SHOC1: variants seen among roughly 807,000 people sequenced by gnomAD.
SHOC1 encodes the protein protein shortage in chiasmata 1 ortholog.
SHOC1 carries 136 observed loss-of-function variants against 179.2 expected under a neutral mutation model. The ratio of observed to expected loss-of-function variants is 0.76; its 90% CI spans 0.66 to 0.87. The LOEUF (loss-of-function observed/expected upper bound fraction) is 0.87, where lower values mean the gene tolerates loss of function less well. Among genes scored for constraint, SHOC1 ranks in the 40% least tolerant of loss-of-function variants. SHOC1 has a pLI of 0.00. For synonymous variants in SHOC1, 489 were observed against 586.6 expected (o/e 0.83, Z 2.41); for missense variants, 1,538 against 1,700.8 (o/e 0.90, Z 1.68).
intron 24 of SHOC1, among the ~76,000 whole-genome samples, chr9:111,694,937 T>C (rs184880498): frequency 6.6e-6 from 1 of 152,092 alleles, no homozygotes; most frequent in Non-Finnish European, 1.5e-5. Flanking sequence ...CTGCCAAAAA[T>C]GTGGTGTTTG....
chr9:111,720,997 C>T (rs1030552259), intron 15 of SHOC1, among the ~76,000 whole-genome samples: 2 of 152,046 alleles, frequency 1.3e-5, no homozygotes, highest in African/African-American at 2.4e-5. Context: ...TGACTGTTAC[C>T]TTGTTGGGTA....
intron 4 of SHOC1, among the ~76,000 whole-genome samples, chr9:111,777,768 CCCTTGTACAGACTGAAAGAAA>C (rs1835888546): frequency 6.6e-6 from 1 of 152,054 alleles, no homozygotes; most frequent in Admixed American, 6.6e-5. Context: ...CCTAATAATA[CCCTTGTACAGACTGAAAGAAA>C]CAAAATCAAT....
At position 111,699,971 on chromosome 9, in the gene SHOC1, C is replaced by T. The variant is rs1831886494; in HGVS notation, c.3166G>A (p.Glu1056Lys). ...AAGAATACCTTTACATCCAGTTCTTCAGAGTTTAGCCCAAATGAAACCAAA... is the reference window on the plus strand; with the variant it reads ...AAGAATACCTTTACATCCAGTTCTTTAGAGTTTAGCCCAAATGAAACCAAA... The part of the protein sequence containing the change: ...AALVSFGLNS[E>K]ELDVKLIIAP... The change falls in exon 24 of 28, where the codon GAA becomes AAA. Residue 1056 changes from glutamate to lysine, a missense_variant. Physicochemically the swap from Glu to Lys is moderately conservative, Grantham distance 56. Coordinates refer to ENST00000682961, the MANE Select transcript of SHOC1 (RefSeq NM_001378211.1). The T allele has an allele frequency of 2.5e-6, 4 of 1,606,234 alleles. No homozygotes were observed. The highest frequency in any genetic ancestry group is 2.6e-6 in the Non-Finnish European group (3 of 1,175,634).
At position 111,693,834 on chromosome 9, in the gene SHOC1, C is replaced by T; in HGVS notation, c.3430G>A (p.Glu1144Lys). 6.2e-7 allele frequency: 1 copy of T among 1,611,044 alleles called. No homozygotes were observed. The highest frequency in any genetic ancestry group is 8.5e-7 in the Non-Finnish European group (1 of 1,178,290). ...TTTTCTGGGACTTCAGGTAGGAGTT[C>T]CTGAAGTTGACACAGAGTTGCTAAT... Reference protein sequence around the residue: ...ILLATLCQLQELLPEVPEKVL... With the variant: ...ILLATLCQLQKLLPEVPEKVL... Residue 1144 changes from glutamate to lysine, a missense_variant, in exon 26 of 28, where the codon GAA (glutamate) becomes AAA (lysine). Glu to Lys is a moderately conservative substitution (Grantham distance 56). Coordinates refer to ENST00000682961, the MANE Select transcript of SHOC1 (RefSeq NM_001378211.1).
At chr9:111,790,220 T>C (rs1026547786) in intron 2 of SHOC1, among the ~76,000 whole-genome samples, 3 of 152,198 alleles carry the variant, frequency 2.0e-5, no homozygotes, top group Non-Finnish European at 4.4e-5. Flanking sequence ...GATAAAATCA[T>C]AGTAGGATGG....
rs1030793718 is a variant in SHOC1 at position 111,760,234 on chromosome 9, T to C, written c.443-1386A>G. Among the ~76,000 whole-genome samples the C allele has an allele frequency of 4.6e-5, 7 of 152,208 alleles. No homozygotes were observed. In the East Asian group the frequency reaches 9.6e-4, roughly 21 times the overall value. ...GGTCTTGTTTTCCATCCACCCTTTT[T>C]TGATGAAACCACTTGAGGGCAGCAT... On this transcript the variant is annotated intron_variant, in intron 5 of 27. Transcript: ENST00000682961.
At chr9:111,747,485 G>A (rs895624797) in intron 9 of SHOC1, among the ~76,000 whole-genome samples, 1 of 152,110 alleles carries the variant, frequency 6.6e-6, no homozygotes, top group Non-Finnish European at 1.5e-5. Flanking sequence ...TTTATTTACT[G>A]AGCTATAATA....
At chr9:111,718,513 A>G (rs1175712700) in intron 15 of SHOC1, among the ~76,000 whole-genome samples, 13 of 152,192 alleles carry the variant, frequency 8.5e-5, no homozygotes, top group Admixed American at 8.5e-4. Flanking sequence ...TAATGAAGTT[A>G]AGTAACTGTC....
At chr9:111,687,503 A>T (rs1831229197) in intron 27 of SHOC1, among the ~76,000 whole-genome samples, 8 of 152,212 alleles carry the variant, frequency 5.3e-5, no homozygotes, top group Admixed American at 5.2e-4. Context: ...AAAAGTTATA[A>T]TTCATAATCT....
At chr9:111,719,147 A>G (rs1370854015) in intron 15 of SHOC1, among the ~76,000 whole-genome samples, 1 of 152,170 alleles carries the variant, frequency 6.6e-6, no homozygotes, top group Non-Finnish European at 1.5e-5. Context: ...CCTGCAAGAG[A>G]TGAGAATAGG....
chr9:111,746,196 G>T, intron 10 of SHOC1, 38 bp downstream of exon 10: 1 of 1,344,956 alleles, frequency 7.4e-7, no homozygotes, highest in South Asian at 1.2e-5. Context: ...TGCTTGTTCT[G>T]AATTGCAACA....
chr9:111,786,585 C>T (rs315709), intron 2 of SHOC1, among the ~76,000 whole-genome samples: 76,482 of 146,026 alleles, frequency 0.52, 21,113 homozygotes, highest in East Asian at 0.87. Context: ...TGCCATTTTT[C>T]CAAAAGCATG....
intron 8 of SHOC1, among the ~76,000 whole-genome samples, chr9:111,749,438 T>A (rs1276469027): frequency 6.6e-6 from 1 of 152,204 alleles, no homozygotes; most frequent in African/African-American, 2.4e-5. Flanking sequence ...GCTTTGCTCT[T>A]CTTTATTTCC....
At position 111,714,571 on chromosome 9, in the gene SHOC1, CA is replaced by C; in HGVS notation, c.2288del (p.Leu763TrpfsTer33). 1 of 1,613,786 alleles carries C rather than the reference CA, an allele frequency of 6.2e-7. No homozygotes were observed. The highest frequency in any genetic ancestry group is 8.5e-7 in the Non-Finnish European group (1 of 1,179,910). The stretch of plus-strand genomic sequence containing the variant: ...TCTCCAGCTGTCTCCAAATGTCACC[CA>C]AATAGGGGCCTAAAATGCTGTTGTA... ...DIYNSILGPY[L>X]GDIWRQLEIV... On this transcript the variant is annotated frameshift_variant, in exon 17 of 28. Transcript: ENST00000682961. LOFTEE classifies it high-confidence loss of function.
intron 5 of SHOC1, among the ~76,000 whole-genome samples, chr9:111,775,435 A>G (rs1394412063): frequency 1.3e-5 from 2 of 152,236 alleles, no homozygotes; most frequent in African/African-American, 4.8e-5. Context: ...TATGTTTTAA[A>G]AACTAAAATA....
chr9:111,763,716 A>T (rs893873453), intron 5 of SHOC1, among the ~76,000 whole-genome samples: 1 of 152,196 alleles, frequency 6.6e-6, no homozygotes, highest in Admixed American at 6.5e-5. Flanking sequence ...GGCAGCTACA[A>T]GGTTGAAGAA....
At chr9:111,714,676 C>G in intron 16 of SHOC1, 53 bp from the exon 17 acceptor site, 1 of 1,470,600 alleles carries the variant, frequency 6.8e-7, no homozygotes, top group Non-Finnish European at 9.2e-7. Context: ...TTTTAAGAAA[C>G]TCCGTGGTAA....
intron 15 of SHOC1, among the ~76,000 whole-genome samples, chr9:111,718,583 T>G (rs1832902820): frequency 6.6e-6 from 1 of 152,198 alleles, no homozygotes; most frequent in African/African-American, 2.4e-5. Flanking sequence ...ACCTGAGAAT[T>G]CATGCCCTTG....
chr9:111,704,015 G>A, intron 21 of SHOC1, 23 bp from the exon 22 acceptor site: 1 of 1,256,410 alleles, frequency 8.0e-7, no homozygotes, highest in Non-Finnish European at 1.1e-6. Flanking sequence ...ATATTCTTGA[G>A]TGAAAAAATG....
Sources: allele counts gnomAD v4.1 joint callset (sites outside exome capture counted in the v4.1 genomes callset), GRCh38; gene constraint gnomAD v4.1.1; transcripts MANE v1.5; gene names NCBI Gene and HGNC (gene_info 2026-07-23, HGNC 2026-07-21).